Variants in SOX6 observed in about 807,000 individuals in gnomAD.
The protein encoded by SOX6 is SRY-box transcription factor 6.
A neutral mutation model predicts 97.8 loss-of-function variants in SOX6; 11 were observed. The ratio of observed to expected loss-of-function variants is 0.11; its 90% CI spans 0.07 to 0.19. The LOEUF (loss-of-function observed/expected upper bound fraction) is 0.19, where lower values mean the gene tolerates loss of function less well. Ranked by LOEUF, SOX6 falls within the 10% of genes least tolerant of loss-of-function variation. The pLI, the probability that SOX6 is intolerant of heterozygous loss-of-function variation, is 1.00. For synonymous variants in SOX6, 360 were observed against 371.4 expected (o/e 0.97, Z 0.35); for missense variants, 810 against 1,039.5 (o/e 0.78, Z 3.04).
intron 4 of SOX6, among the ~76,000 whole-genome samples, chr11:16,535,361 T>G (rs996160760): frequency 6.6e-6 from 1 of 152,224 alleles, no homozygotes; most frequent in Non-Finnish European, 1.5e-5. Context: ...TATTTCTTTC[T>G]TTCTTTTTTG....
chr11:16,646,532 G>C (rs1218747153), intron 3 of SOX6, among the ~76,000 whole-genome samples: 2 of 151,206 alleles, frequency 1.3e-5, no homozygotes, highest in Non-Finnish European at 2.9e-5. Flanking sequence ...ACTTGAGTAA[G>C]TTCTTTAATG....
Position 16,522,662 on chromosome 11 carries a change from T to C in SOX6, n.610-46274A>G, listed in dbSNP as rs1033060319. On this transcript the variant is annotated intron_variant and non_coding_transcript_variant, in intron 4 of 5. Coordinates refer to the SOX6 transcript ENST00000524520. ...CTTTAAATGTAAATGGACTAAATGCTCCAATTAAAAGACACAGACTGGCAA... is the reference window on the plus strand; with the variant it reads ...CTTTAAATGTAAATGGACTAAATGCCCCAATTAAAAGACACAGACTGGCAA... Among the ~76,000 whole-genome samples the C allele has an allele frequency of 5.3e-4, 81 of 151,764 alleles. 1 individual carries two copies. The highest frequency in any genetic ancestry group is 2.1e-4 in the South Asian group (1 of 4,804).
intron 1 of SOX6, among the ~76,000 whole-genome samples, chr11:16,350,085 G>T (rs770251846): frequency 1.3e-5 from 2 of 152,208 alleles, no homozygotes; most frequent in Non-Finnish European, 2.9e-5. Context: ...AATGAATTGA[G>T]GCTCATCAAG....
chr11:16,588,012 G>A (rs527571424), intron 4 of SOX6, among the ~76,000 whole-genome samples: 19 of 152,270 alleles, frequency 1.2e-4, no homozygotes, highest in African/African-American at 4.6e-4. Flanking sequence ...TAGAAAGCAA[G>A]AGCACTCTCC....
At chr11:16,416,260 C>G (rs565409093) in intron 1 of SOX6, among the ~76,000 whole-genome samples, 1 of 152,300 alleles carries the variant, frequency 6.6e-6, no homozygotes, top group East Asian at 1.9e-4. Context: ...GACTGAAATG[C>G]CAATTTTTCC....
chr11:16,497,960 C>G (rs886665332), intron 4 of SOX6, among the ~76,000 whole-genome samples: 20 of 152,248 alleles, frequency 1.3e-4, no homozygotes, highest in African/African-American at 4.8e-4. Context: ...TCAGGAAATA[C>G]AGAGAATGCC....
At chr11:16,198,562 C>T (rs1484627143) in intron 4 of SOX6, among the ~76,000 whole-genome samples, 4 of 151,852 alleles carry the variant, frequency 2.6e-5, no homozygotes, top group Non-Finnish European at 5.9e-5. Flanking sequence ...GGAAAAAATA[C>T]GTTAAATTAT....
At chr11:16,681,472 A>C (rs554819271) in intron 3 of SOX6, among the ~76,000 whole-genome samples, 42 of 152,358 alleles carry the variant, frequency 2.8e-4, no homozygotes, top group Non-Finnish European at 5.7e-4. Context: ...GTGTAGAGGG[A>C]AATTTATAGC....
At chr11:16,148,008 T>C (rs1396124564) in intron 6 of SOX6, among the ~76,000 whole-genome samples, 1 of 152,208 alleles carries the variant, frequency 6.6e-6, no homozygotes, top group African/African-American at 2.4e-5. Flanking sequence ...TTTTTATACA[T>C]ACACCAAATG....
At chr11:16,430,516 G>A (rs559190348) in intron 1 of SOX6, among the ~76,000 whole-genome samples, 1 of 152,154 alleles carries the variant, frequency 6.6e-6, no homozygotes, top group East Asian at 1.9e-4. Context: ...GATCATGGAG[G>A]CAGAGCCCTC....
intron 9 of SOX6, among the ~76,000 whole-genome samples, chr11:16,074,310 C>T (rs1483249460): frequency 6.6e-6 from 1 of 152,098 alleles, no homozygotes; most frequent in Admixed American, 6.5e-5. Flanking sequence ...CTACTATGAA[C>T]ATCTCTATGC....
intron 4 of SOX6, among the ~76,000 whole-genome samples, chr11:16,542,208 A>G (rs888715069): frequency 6.6e-6 from 1 of 152,126 alleles, no homozygotes; most frequent in African/African-American, 2.4e-5. Flanking sequence ...GCAAACTATC[A>G]CAAGGACAGA....
chr11:16,037,173 G>A (rs1434756489), intron 12 of SOX6, among the ~76,000 whole-genome samples: 1 of 152,092 alleles, frequency 6.6e-6, no homozygotes, highest in East Asian at 1.9e-4. Flanking sequence ...CTGACAACAT[G>A]TGCTTTGATT....
intron 4 of SOX6, among the ~76,000 whole-genome samples, chr11:16,521,690 G>A (rs1333682748): frequency 6.6e-6 from 1 of 152,148 alleles, no homozygotes; most frequent in African/African-American, 2.4e-5. Flanking sequence ...CGAGCTACAG[G>A]AGGAAACTCA....
chr11:16,569,653 G>C (rs924966389), intron 4 of SOX6, among the ~76,000 whole-genome samples: 1 of 151,906 alleles, frequency 6.6e-6, no homozygotes, highest in African/African-American at 2.4e-5. Flanking sequence ...GATCACCTGA[G>C]GTCAGAAGTT....
Position 16,132,501 on chromosome 11 carries a change from A to AAGCAAGC in SOX6, c.778-20579_778-20578insGCTTGCT, listed in dbSNP as rs1554934078. Reference sequence around the variant, plus strand: ...GAAAGAAAGAAAGAAAGAAAGAAAGAAAGAAAGCTTATCTTTGTATCTAGG... The same window carrying AAGCAAGC: ...GAAAGAAAGAAAGAAAGAAAGAAAGAAGCAAGCAAGAAAGCTTATCTTTGTATCTAGG... On this transcript the variant is annotated intron_variant, in intron 6 of 15. Transcript: ENST00000683767. 9.1e-3 allele frequency among the ~76,000 whole-genome samples: 740 copies of AAGCAAGC among 81,060 alleles called. 55 individuals are homozygous for AAGCAAGC. Among genetic ancestry groups the AAGCAAGC allele is most frequent in the South Asian group, 0.017 (50 of 2,916 alleles). The allele number at this position is 81,060 out of a possible 152,430, so 53.2% of individuals were successfully genotyped here. A position where few individuals can be genotyped will look rare whatever the true frequency, so the allele number is the denominator to read the frequency against.
chr11:16,403,518 G>A (rs1225667459), intron 1 of SOX6, among the ~76,000 whole-genome samples: 1 of 151,732 alleles, frequency 6.6e-6, no homozygotes, highest in Non-Finnish European at 1.5e-5. Context: ...CTTAGAAGCA[G>A]TTGCATGGAT....
chr11:16,727,987 T>A (rs1032486733), intron 2 of SOX6, among the ~76,000 whole-genome samples: 1 of 152,148 alleles, frequency 6.6e-6, no homozygotes, highest in African/African-American at 2.4e-5. Flanking sequence ...TACATCTGGG[T>A]GGAGCCCACC....
At chr11:16,207,055 T>C (rs955441114) in intron 4 of SOX6, among the ~76,000 whole-genome samples, 1 of 152,118 alleles carries the variant, frequency 6.6e-6, no homozygotes, top group Non-Finnish European at 1.5e-5. Flanking sequence ...CAAATGCACA[T>C]ACACATATAC....
Sources: gnomAD v4.1 joint callset for allele counts (sites outside exome capture counted in the v4.1 genomes callset) on GRCh38, gnomAD v4.1.1 for gene constraint, MANE v1.5 for transcripts, NCBI Gene and HGNC (gene_info 2026-07-23, HGNC 2026-07-21) for gene names.